Variants in BAZ2B observed in about 807,000 individuals in gnomAD.
The protein encoded by BAZ2B is bromodomain adjacent to zinc finger domain protein 2B.
A neutral mutation model predicts 246.0 loss-of-function variants in BAZ2B; 91 were observed. The ratio of observed to expected loss-of-function variants is 0.37; its 90% CI spans 0.31 to 0.44. The LOEUF (loss-of-function observed/expected upper bound fraction) is 0.44, where lower values mean the gene tolerates loss of function less well. Ranked by LOEUF, BAZ2B falls within the 20% of genes least tolerant of loss-of-function variation. The probability of loss-of-function intolerance (pLI) is 1.00; values close to 1 mark genes in which losing one functional copy is unlikely to be tolerated. For synonymous variants in BAZ2B, 855 were observed against 860.0 expected (o/e 0.99, Z 0.10); for missense variants, 2,332 against 2,533.7 (o/e 0.92, Z 1.71).
At chr2:159,569,990 T>C (rs771960965) in intron 1 of BAZ2B, among the ~76,000 whole-genome samples, 3 of 152,120 alleles carry the variant, frequency 2.0e-5, no homozygotes, top group South Asian at 4.1e-4. Flanking sequence ...CTCTGATACA[T>C]AGTACGTTTT....
At chr2:159,365,790 T>C (rs1046466671) in intron 27 of BAZ2B, among the ~76,000 whole-genome samples, 10 of 152,196 alleles carry the variant, frequency 6.6e-5, no homozygotes, top group Non-Finnish European at 1.0e-4. Context: ...ACAGACCACA[T>C]AGGTTGTCCT....
intron 20 of BAZ2B, chr2:159,392,203 C>T (rs1183025416): frequency 6.6e-6 from 1 of 152,236 alleles, no homozygotes; most frequent in South Asian, 2.1e-4. Flanking sequence ...CCAAGACGGG[C>T]ATGTACACTA....
intron 2 of BAZ2B, among the ~76,000 whole-genome samples, chr2:159,485,297 G>A (rs184449207): frequency 1.1e-3 from 161 of 152,120 alleles, no homozygotes; most frequent in African/African-American, 3.7e-3. Context: ...TCAGAAATAG[G>A]GGATGTGGCC....
At chr2:159,454,889 G>C (rs2075549672) in intron 3 of BAZ2B, among the ~76,000 whole-genome samples, 1 of 152,106 alleles carries the variant, frequency 6.6e-6, no homozygotes. Flanking sequence ...TATAACTCCA[G>C]GTTGGAATGT....
At chr2:159,579,569 A>G (rs1443247248) in intron 1 of BAZ2B, among the ~76,000 whole-genome samples, 2 of 152,172 alleles carry the variant, frequency 1.3e-5, no homozygotes, top group Non-Finnish European at 2.9e-5. Context: ...TCCCTAACTC[A>G]TTTTAATGCC....
chr2:159,686,050 C>T, the BAZ2B span, among the ~76,000 whole-genome samples: 2 of 152,166 alleles, frequency 1.3e-5, no homozygotes, highest in African/African-American at 2.4e-5. Flanking sequence ...TCGCTGAAGG[C>T]CAGGAGTTCA....
intron 1 of BAZ2B, among the ~76,000 whole-genome samples, chr2:159,562,367 T>G (rs954602057): frequency 6.6e-6 from 1 of 152,232 alleles, no homozygotes; most frequent in Non-Finnish European, 1.5e-5. Context: ...CTATTAGACT[T>G]GGTAAATTTA....
the BAZ2B span, among the ~76,000 whole-genome samples, chr2:159,646,257 A>G: frequency 6.6e-6 from 1 of 152,186 alleles, no homozygotes; most frequent in South Asian, 2.1e-4. Context: ...TTTGCTTTTG[A>G]AAGAAGAGAA....
At chr2:159,331,483 T>C (rs778216831) in intron 34 of BAZ2B, among the ~76,000 whole-genome samples, 3 of 152,340 alleles carry the variant, frequency 2.0e-5, no homozygotes, top group East Asian at 1.9e-4. Flanking sequence ...TTCTCCTGCC[T>C]GAGCCCCCCA....
At chr2:159,578,495 T>C (rs1685902430) in intron 1 of BAZ2B, among the ~76,000 whole-genome samples, 1 of 152,098 alleles carries the variant, frequency 6.6e-6, no homozygotes, top group African/African-American at 2.4e-5. Flanking sequence ...GATTTAAAAA[T>C]GCTTACATTA....
rs554526188 is a variant in BAZ2B at position 159,400,724 on chromosome 2, T to G, written c.2833-60A>C. 6.0e-6 allele frequency: 6 copies of G among 996,784 alleles called. No individual in the cohort carries two copies. The Admixed American group carries it at 1.1e-4, about 18-fold the overall frequency. 61.7% of individuals were successfully genotyped at this position (996,784 alleles called of 1,614,324 possible). A position where few individuals can be genotyped will look rare whatever the true frequency, so the allele number is the denominator to read the frequency against. ...AATAAACTATCTGAGTAAAGAGTAT[T>G]TGAGTGGAATCAAATAATTAAAAAT... On this transcript the variant is annotated intron_variant, in intron 16 of 36. Transcript: ENST00000392783.
Position 159,332,681 on chromosome 2 carries a change from G to A in BAZ2B, c.5802C>T (p.Cys1934=). 15 of 1,613,672 alleles carry A rather than the reference G, an allele frequency of 9.3e-6. No homozygotes were observed. Among genetic ancestry groups the A allele is most frequent in the Non-Finnish European group, 1.3e-5 (15 of 1,179,788 alleles). ...CATTATCTCCCTTTCGACAGATTTG[G>A]CAGTACTATAATACATGAAAAATCA... is the stretch of plus-strand genomic sequence containing the variant. ...AWEKSIMKVY[C]QICRKGDNEE... Residue 1934 remains cysteine, a synonymous_variant, in exon 34 of 37, where the codon TGC becomes TGT. Transcript: ENST00000392783.
chr2:159,379,495 G>A (rs2061752791), intron 25 of BAZ2B, among the ~76,000 whole-genome samples: 1 of 151,992 alleles, frequency 6.6e-6, no homozygotes, highest in African/African-American at 2.4e-5. Flanking sequence ...TACGTTAAAT[G>A]TTTTACCAAA....
Position 159,320,504 on chromosome 2 carries a change from G to C in BAZ2B, c.6354-86C>G. 8 of 1,157,532 alleles carry C rather than the reference G, an allele frequency of 6.9e-6. No homozygotes were observed. The South Asian group carries it at 1.3e-4, about 19-fold the overall frequency. The allele number at this position is 1,157,532 out of a possible 1,614,324, so 71.7% of individuals were successfully genotyped here. ...TGAAGAGTTAATAAAGGGTAAAAATGAAAGAAAAATGATTAGGATAACTGC... is the reference window on the plus strand; with the variant it reads ...TGAAGAGTTAATAAAGGGTAAAAATCAAAGAAAAATGATTAGGATAACTGC... On this transcript the variant is annotated intron_variant, in intron 36 of 36. Transcript: ENST00000392783.
intron 2 of BAZ2B, among the ~76,000 whole-genome samples, chr2:159,514,986 T>C (rs936853701): frequency 6.6e-6 from 1 of 152,062 alleles, no homozygotes; most frequent in African/African-American, 2.4e-5. Context: ...ATAACCCTGA[T>C]AAGCATTATG....
chr2:159,587,424 T>C (rs148699708), intron 1 of BAZ2B, among the ~76,000 whole-genome samples: 1 of 152,256 alleles, frequency 6.6e-6, no homozygotes, highest in Non-Finnish European at 1.5e-5. Context: ...CCAATGTTAT[T>C]TGCTAGCACT....
chr2:159,649,432 G>A, the BAZ2B span, among the ~76,000 whole-genome samples: 1 of 152,120 alleles, frequency 6.6e-6, no homozygotes, highest in South Asian at 2.1e-4. Flanking sequence ...GATCTGACAG[G>A]AGGTGGAGCT....
chr2:159,654,389 T>C, the BAZ2B span, among the ~76,000 whole-genome samples: 3 of 152,068 alleles, frequency 2.0e-5, no homozygotes, highest in South Asian at 6.2e-4. Flanking sequence ...ATATCACATA[T>C]TATCAAAGCA....
rs187771922 is a variant in BAZ2B at position 159,393,983 on chromosome 2, T to C, written c.3075+1786A>G. Among the ~76,000 whole-genome samples the C allele has an allele frequency of 1.6e-3, 240 of 152,314 alleles. 2 individuals are homozygous for C. Among genetic ancestry groups the C allele is most frequent in the African/African-American group, 5.5e-3 (227 of 41,580 alleles). ...TCACCTGGGCATTCCCCCTCTCAGATGATCTCATTCTTACTATTTTACTGG... is the reference window on the plus strand; with the variant it reads ...TCACCTGGGCATTCCCCCTCTCAGACGATCTCATTCTTACTATTTTACTGG... On this transcript the variant is annotated intron_variant, in intron 20 of 36. Coordinates refer to ENST00000392783, the MANE Select transcript of BAZ2B (RefSeq NM_013450.4).
Sources: allele counts gnomAD v4.1 joint callset (sites outside exome capture counted in the v4.1 genomes callset), GRCh38; gene constraint gnomAD v4.1.1; transcripts MANE v1.5; gene names NCBI Gene and HGNC (gene_info 2026-07-23, HGNC 2026-07-21).